NCOA6: variants seen among roughly 807,000 people sequenced by gnomAD.
The protein encoded by NCOA6 is NRC RAP250.
In NCOA6, 49 loss-of-function variants were observed where a neutral mutation model predicts 171.4. The ratio of observed to expected loss-of-function variants is 0.29; its 90% CI spans 0.23 to 0.36. The LOEUF (loss-of-function observed/expected upper bound fraction) is 0.36, where lower values mean the gene tolerates loss of function less well. Among genes scored for constraint, NCOA6 ranks in the 10% least tolerant of loss-of-function variants. The pLI is 1.00. For missense variants in NCOA6, 2,248 were observed against 2,554.5 expected (o/e 0.88, Z 2.59); for synonymous variants, 910 against 927.5 (o/e 0.98, Z 0.34).
intron 1 of NCOA6, among the ~76,000 whole-genome samples, chr20:34,810,834 G>A (rs760768591): frequency 2.6e-5 from 4 of 152,082 alleles, no homozygotes; most frequent in African/African-American, 4.8e-5. Flanking sequence ...GTGAGCCACC[G>A]TGCCCGGACT....
At chr20:34,776,233 T>C (rs895552150) in intron 4 of NCOA6, 60 bp downstream of exon 4, 2 of 1,548,678 alleles carry the variant, frequency 1.3e-6, no homozygotes, top group Non-Finnish European at 1.8e-6. Flanking sequence ...CAGAAAATCA[T>C]GCTATATTCT....
chr20:34,743,358 A>G lies in NCOA6; in HGVS notation c.2915-17T>C. The G allele has an allele frequency of 6.3e-7, 1 of 1,576,606 alleles. No homozygotes were observed. Among genetic ancestry groups the G allele is most frequent in the Non-Finnish European group, 8.6e-7 (1 of 1,159,234 alleles). ...AAGGATAACCTAAAACAAGCCCCCCAAATTAGGGAAGTTAGATTTTTCAGC... is the reference window on the plus strand; with the variant it reads ...AAGGATAACCTAAAACAAGCCCCCCGAATTAGGGAAGTTAGATTTTTCAGC... On this transcript the variant is annotated splice_polypyrimidine_tract_variant and intron_variant, in intron 10 of 14. Coordinates refer to ENST00000359003, the MANE Select transcript of NCOA6 (RefSeq NM_014071.5).
chr20:34,782,963 A>T (rs988019897), intron 2 of NCOA6, among the ~76,000 whole-genome samples: 3 of 152,198 alleles, frequency 2.0e-5, no homozygotes, highest in African/African-American at 7.2e-5. Context: ...GAAAATAATG[A>T]TTCTGAAATA....
intron 2 of NCOA6, among the ~76,000 whole-genome samples, chr20:34,784,844 G>GC (rs1481317935): frequency 3.3e-5 from 5 of 151,858 alleles, no homozygotes; most frequent in Non-Finnish European, 5.9e-5. Flanking sequence ...ACTTTAGGCG[G>GC]CTGAGGTGGG....
chr20:34,774,965 T>C (rs535309854), intron 4 of NCOA6, among the ~76,000 whole-genome samples: 6 of 152,344 alleles, frequency 3.9e-5, no homozygotes, highest in African/African-American at 1.4e-4. Flanking sequence ...AGCAAAGGAC[T>C]CTGACTTGCC....
At chr20:34,808,436 C>CGTTT (rs1407640787) in intron 1 of NCOA6, among the ~76,000 whole-genome samples, 1 of 125,492 alleles carries the variant, frequency 8.0e-6, no homozygotes, top group Non-Finnish European at 1.7e-5. Context: ...CTTGTCTGTG[C>CGTTT]TTTTTTTTTT....
rs191539078 is a variant in NCOA6 at position 34,746,603 on chromosome 20, T to C, written c.2914+204A>G. ...AACAAAGACAAATTTGAATAGAATG[T>C]GTGTGTGTATGTGCCTTCAAAAGTT... On this transcript the variant is annotated intron_variant, in intron 10 of 14. Transcript: ENST00000359003. 8.1e-3 allele frequency among the ~76,000 whole-genome samples: 1,229 copies of C among 152,320 alleles called. 10 individuals carry two copies. Among genetic ancestry groups the C allele is most frequent in the Middle Eastern group, 0.014 (4 of 294 alleles).
In NCOA6 at chr20:34,749,989, C is replaced by T; in HGVS notation, c.2206G>A (p.Val736Ile). The T allele has an allele frequency of 1.2e-6, 2 of 1,614,240 alleles. No homozygotes were observed. Among genetic ancestry groups the T allele is most frequent in the Non-Finnish European group, 1.7e-6 (2 of 1,180,048 alleles). ...QQFNTQNQSN[V>I]MPGPAQIMRG... ...ATTATCTGGGCTGGTCCCGGCATGA[C>T]ATTGGACTGGTTCTGAGTGTTAAAC... Residue 736 changes from valine (V) to isoleucine (I), a missense_variant, in exon 9 of 15, where the codon GTC becomes ATC. Val to Ile is a conservative substitution (Grantham distance 29, BLOSUM62 3). Coordinates refer to ENST00000359003, the MANE Select transcript of NCOA6 (RefSeq NM_014071.5).
At chr20:34,768,345 C>G in intron 5 of NCOA6, 119 bp downstream of exon 5, 1 of 1,310,494 alleles carries the variant, frequency 7.6e-7, no homozygotes, top group Non-Finnish European at 1.1e-6. Context: ...TTTCCTGATT[C>G]AGCAAATAGA....
chr20:34,785,962 G>C (rs1331280752), intron 2 of NCOA6, among the ~76,000 whole-genome samples: 2 of 150,952 alleles, frequency 1.3e-5, no homozygotes, highest in African/African-American at 4.9e-5. Flanking sequence ...AATTTTTAAA[G>C]AAACTTCTTT....
At chr20:34,800,765 G>A (rs2078230424) in intron 1 of NCOA6, among the ~76,000 whole-genome samples, 1 of 152,098 alleles carries the variant, frequency 6.6e-6, no homozygotes, top group African/African-American at 2.4e-5. Flanking sequence ...AGTAAGAGCT[G>A]GAGATTTTAA....
At chr20:34,813,893 G>A (rs1248004868) in intron 1 of NCOA6, among the ~76,000 whole-genome samples, 2 of 152,084 alleles carry the variant, frequency 1.3e-5, no homozygotes, top group African/African-American at 4.8e-5. Flanking sequence ...CTATAAACTG[G>A]TAGTTGTTCT....
In NCOA6 at chr20:34,754,874, T is replaced by C. The variant is rs376564983; in HGVS notation, c.1529-6A>G. On this transcript the variant is annotated splice_region_variant and splice_polypyrimidine_tract_variant and intron_variant, in intron 7 of 14. Coordinates refer to ENST00000359003, the MANE Select transcript of NCOA6 (RefSeq NM_014071.5). ...TGGGAGGCGTTTAGGCATTCCTTAA[T>C]AGAAAACAATGAGTAAGGCAGTTAC... The C allele has an allele frequency of 1.2e-6, 2 of 1,613,752 alleles. No homozygotes were observed. The highest frequency in any genetic ancestry group is 1.3e-5 in the African/African-American group (1 of 74,876).
chr20:34,721,647 T>C (rs957277810), intron 14 of NCOA6, among the ~76,000 whole-genome samples: 5 of 152,134 alleles, frequency 3.3e-5, no homozygotes, highest in African/African-American at 7.2e-5. Context: ...TGACAGGAGA[T>C]GGAGCTCAGG....
Position 34,824,436 on chromosome 20 carries a change from A to G in NCOA6, c.-164+1036T>C, listed in dbSNP as rs146729139. Among the ~76,000 whole-genome samples the G allele has an allele frequency of 7.0e-4, 106 of 152,272 alleles. 2 individuals are homozygous for G. Among genetic ancestry groups the G allele is most frequent in the African/African-American group, 2.3e-3 (94 of 41,552 alleles). ...TCTCAGGCCTTTGTAGTTTTTATACATTCACTCTTCTTCACCATTTTACTG... is the reference window on the plus strand; with the variant it reads ...TCTCAGGCCTTTGTAGTTTTTATACGTTCACTCTTCTTCACCATTTTACTG... On this transcript the variant is annotated intron_variant, in intron 1 of 14. Coordinates refer to ENST00000359003, the MANE Select transcript of NCOA6 (RefSeq NM_014071.5).
rs1163906642 is a variant in NCOA6, at chr20:34,813,465, T to TAA, written c.-164+12005_-164+12006dup. The stretch of plus-strand genomic sequence containing the variant: ...TGGGCAACAGAGTGAAACTCTGTCT[T>TAA]AAAAAAAAAAAAAAAAGGTCATTTT... On this transcript the variant is annotated intron_variant, in intron 1 of 14. Coordinates refer to ENST00000359003, the MANE Select transcript of NCOA6 (RefSeq NM_014071.5). Among the ~76,000 whole-genome samples the TAA allele has an allele frequency of 4.6e-5, 6 of 130,056 alleles. No individual in the cohort carries two copies. The East Asian group carries it at 6.6e-4, about 14-fold the overall frequency. 85.3% of individuals were successfully genotyped at this position (130,056 alleles called of 152,430 possible).
chr20:34,776,578 G>A (rs763728045), intron 3 of NCOA6, 130 bp from the exon 4 acceptor site: 3 of 1,058,880 alleles, frequency 2.8e-6, no homozygotes, highest in South Asian at 2.7e-5. Flanking sequence ...CAGAGCATAT[G>A]CTTTGGAGCT....
intron 4 of NCOA6, 92 bp from the exon 5 acceptor site, chr20:34,768,678 G>T: frequency 7.0e-7 from 1 of 1,428,592 alleles, no homozygotes; most frequent in Non-Finnish European, 9.6e-7. Context: ...AGTTTTCTGT[G>T]CTTTTGAAGA....
intron 2 of NCOA6, among the ~76,000 whole-genome samples, chr20:34,790,075 A>T (rs989358211): frequency 1.9e-4 from 11 of 59,080 alleles, no homozygotes; most frequent in East Asian, 5.5e-4. Context: ...TTCTACTATT[A>T]AAAAAAAAAA....
Sources: gnomAD v4.1 joint callset for allele counts (sites outside exome capture counted in the v4.1 genomes callset) on GRCh38, gnomAD v4.1.1 for gene constraint, MANE v1.5 for transcripts, NCBI Gene and HGNC (gene_info 2026-07-23, HGNC 2026-07-21) for gene names.